The following WDPCP variants were observed in gnomAD, a reference collection of about 807,000 sequenced individuals.
WDPCP encodes the protein WD repeat-containing and planar cell polarity effector protein fritz homolog.
A neutral mutation model predicts 93.1 loss-of-function variants in WDPCP; 71 were observed. That is an observed-to-expected ratio of 0.76 (90% CI 0.63 to 0.93). The LOEUF (loss-of-function observed/expected upper bound fraction) is 0.93. Ranked by LOEUF, WDPCP falls within the 40% of genes least tolerant of loss-of-function variation. The pLI, the probability that WDPCP is intolerant of heterozygous loss-of-function variation, is 0.00. For missense variants in WDPCP, 844 were observed against 887.4 expected (o/e 0.95, Z 0.62); for synonymous variants, 315 against 315.0 (o/e 1.00, Z 0.00).
At chr2:63,789,637 T>G (rs1316107862) in intron 2 of WDPCP, among the ~76,000 whole-genome samples, 1 of 152,224 alleles carries the variant, frequency 6.6e-6, no homozygotes, top group Non-Finnish European at 1.5e-5. Flanking sequence ...CCGAAGACTG[T>G]CACGTTGTTT....
intron 3 of WDPCP, among the ~76,000 whole-genome samples, chr2:63,647,749 G>C (rs1710067855): frequency 6.6e-6 from 1 of 151,996 alleles, no homozygotes; most frequent in Non-Finnish European, 1.5e-5. Context: ...TGTAACCACT[G>C]GGTAAAACTG....
chr2:63,507,872 A>G (rs1484596894), intron 1 of WDPCP, among the ~76,000 whole-genome samples: 6 of 152,156 alleles, frequency 3.9e-5, no homozygotes, highest in Admixed American at 3.9e-4. Flanking sequence ...AAGTGTGAAG[A>G]CAAGATTAGA....
rs570366216 is a variant in WDPCP at position 63,722,949 on chromosome 2, C to A, written n.309-72111G>T. On this transcript the variant is annotated intron_variant and non_coding_transcript_variant, in intron 2 of 4. Transcript: ENST00000467687. The stretch of plus-strand genomic sequence containing the variant: ...ATTTTGTTCTGTACTAAGAAAACTT[C>A]TTCTGCCTTGGGATCCTGTTGATCT... 1.5e-3 allele frequency among the ~76,000 whole-genome samples: 235 copies of A among 152,262 alleles called. 1 individual carries two copies. Among genetic ancestry groups the A allele is most frequent in the African/African-American group, 5.3e-3 (219 of 41,558 alleles).
chr2:63,144,343 C>T (rs554781300), intron 17 of WDPCP, among the ~76,000 whole-genome samples: 75 of 151,958 alleles, frequency 4.9e-4, no homozygotes, highest in African/African-American at 1.4e-3. Context: ...TGCAGTGGCA[C>T]GGCTCAATGG....
At chr2:63,262,832 C>A (rs925299812) in intron 13 of WDPCP, among the ~76,000 whole-genome samples, 1 of 152,154 alleles carries the variant, frequency 6.6e-6, no homozygotes, top group Non-Finnish European at 1.5e-5. Context: ...TCTGCCCAGG[C>A]TAGATTCAAA....
chr2:63,630,435 T>C (rs928812423), intron 3 of WDPCP, among the ~76,000 whole-genome samples: 2 of 151,542 alleles, frequency 1.3e-5, no homozygotes, highest in African/African-American at 4.9e-5. Flanking sequence ...AGTAAAAGAA[T>C]GAAAAAAGAT....
chr2:63,529,638 T>A (rs559522516), intron 1 of WDPCP, among the ~76,000 whole-genome samples: 36 of 152,188 alleles, frequency 2.4e-4, no homozygotes, highest in Non-Finnish European at 4.4e-4. Flanking sequence ...TGAGGATTTT[T>A]TGATTGATGT....
chr2:63,314,425 G>A (rs908278147), intron 12 of WDPCP, among the ~76,000 whole-genome samples: 23 of 152,118 alleles, frequency 1.5e-4, no homozygotes, highest in Admixed American at 6.5e-4. Flanking sequence ...CCACTTCAGC[G>A]TCCCAAAAGT....
intron 1 of WDPCP, among the ~76,000 whole-genome samples, chr2:63,563,169 G>A (rs570095416): frequency 6.6e-6 from 1 of 152,136 alleles, no homozygotes; most frequent in South Asian, 2.1e-4. Context: ...ATGCATATAC[G>A]ACAGTTTTAA....
chr2:63,299,085 T>C (rs1685122892), intron 13 of WDPCP, among the ~76,000 whole-genome samples: 1 of 152,166 alleles, frequency 6.6e-6, no homozygotes, highest in African/African-American at 2.4e-5. Flanking sequence ...ATGCATCCTC[T>C]GGATGCATGG....
At chr2:63,620,613 G>A (rs904177313) in intron 3 of WDPCP, among the ~76,000 whole-genome samples, 2 of 152,202 alleles carry the variant, frequency 1.3e-5, no homozygotes, top group African/African-American at 2.4e-5. Context: ...AGATTTAAAC[G>A]TTCCTGTCTG....
At chr2:63,679,860 A>T (rs1311508690) in intron 2 of WDPCP, among the ~76,000 whole-genome samples, 5 of 152,078 alleles carry the variant, frequency 3.3e-5, no homozygotes, top group Non-Finnish European at 7.4e-5. Flanking sequence ...TTCCCTAGGG[A>T]CTGGCCTCTC....
intron 3 of WDPCP, among the ~76,000 whole-genome samples, chr2:63,627,465 C>A (rs751487879): frequency 1.3e-5 from 2 of 152,194 alleles, no homozygotes; most frequent in African/African-American, 4.8e-5. Context: ...AGCCTGGAAC[C>A]ACAGCCCAAA....
intron 9 of WDPCP, among the ~76,000 whole-genome samples, chr2:63,414,438 TAAAG>T (rs978324365): frequency 1.5e-4 from 23 of 151,362 alleles, no homozygotes; most frequent in African/African-American, 4.4e-4. Context: ...AACAAGTGGA[TAAAG>T]AAACTGTGAT....
At chr2:63,565,567 G>T (rs1706980144) in intron 1 of WDPCP, among the ~76,000 whole-genome samples, 1 of 152,158 alleles carries the variant, frequency 6.6e-6, no homozygotes, top group Non-Finnish European at 1.5e-5. Flanking sequence ...CTGAATCATT[G>T]TATCTTACCA....
intron 1 of WDPCP, among the ~76,000 whole-genome samples, chr2:63,547,033 T>C (rs1206903297): frequency 6.6e-6 from 1 of 151,746 alleles, no homozygotes; most frequent in Non-Finnish European, 1.5e-5. Context: ...CTGGGAAACA[T>C]GAAAGAGTGA....
rs543372561 is a variant in WDPCP at position 63,119,919 on chromosome 2, T to C, written c.*2087A>G. Among the ~76,000 whole-genome samples, 4 of 152,226 alleles carry C rather than the reference T, an allele frequency of 2.6e-5. No individual in the cohort carries two copies. In the South Asian group the frequency reaches 8.3e-4, roughly 32 times the overall value. Reference sequence around the variant, plus strand: ...TCATTCATAATATATTCTTACTATCTAAACTTGGTTTTCTGTACATTTAAC... The same window carrying C: ...TCATTCATAATATATTCTTACTATCCAAACTTGGTTTTCTGTACATTTAAC... On this transcript the variant is annotated 3_prime_UTR_variant, in exon 18 of 18. Transcript: ENST00000272321.
chr2:63,618,000 A>G (rs1709691032), intron 3 of WDPCP, among the ~76,000 whole-genome samples: 8 of 152,224 alleles, frequency 5.3e-5, no homozygotes, highest in Admixed American at 5.2e-4. Context: ...GTTTTTAAAA[A>G]TTCTTTATCT....
chr2:63,190,098 G>A (rs1348077864), intron 14 of WDPCP, among the ~76,000 whole-genome samples: 1 of 151,872 alleles, frequency 6.6e-6, no homozygotes, highest in Non-Finnish European at 1.5e-5. Context: ...GTGGGGAGAG[G>A]GGGCAGAAAA....
Sources: allele counts gnomAD v4.1 joint callset (sites outside exome capture counted in the v4.1 genomes callset), GRCh38; gene constraint gnomAD v4.1.1; transcripts MANE v1.5; gene names NCBI Gene and HGNC (gene_info 2026-07-23, HGNC 2026-07-21).